Variants in PCNT observed in about 807,000 individuals in gnomAD.
The protein encoded by PCNT is kendrin.
In PCNT, 319 loss-of-function variants were observed where a neutral mutation model predicts 380.4. The ratio of observed to expected loss-of-function variants is 0.84; its 90% confidence interval spans 0.77 to 0.92. PCNT has a LOEUF of 0.92. Among genes scored for constraint, PCNT ranks in the 40% least tolerant of loss-of-function variants. The pLI is 0.00. For missense variants in PCNT, 4,400 were observed against 4,255.3 expected, an observed-to-expected ratio of 1.03 and a Z score of -0.95; for synonymous variants, 1,845 against 1,735.2, an observed-to-expected ratio of 1.06 and a Z score of -1.57.
chr21:46,435,837 C>T (rs374810767), intron 38 of PCNT, 67 bp from the exon 39 acceptor site: 42 of 1,602,784 alleles, frequency 2.6e-5, no homozygotes, highest in African/African-American at 1.1e-4. Flanking sequence ...CCACCGCGCC[C>T]GGCCGGCAGT....
rs947619531 is a variant in PCNT, at chr21:46,445,420, C to T, written c.*93C>T. The T allele has an allele frequency of 2.1e-6, 2 of 953,114 alleles. No homozygotes were observed. The highest frequency in any genetic ancestry group is 3.5e-6 in the Non-Finnish European group (2 of 576,104). The allele number at this position is 953,114 out of a possible 1,614,324, so 59.0% of individuals were successfully genotyped here. On this transcript the variant is annotated 3_prime_UTR_variant, in exon 47 of 47. Transcript: ENST00000359568. Reference sequence around the variant, plus strand: ...AAGGAAGCTCGTGGGACAGCATGGGCACTACTCTTCATGTGCGGTGACACC... The same window carrying T: ...AAGGAAGCTCGTGGGACAGCATGGGTACTACTCTTCATGTGCGGTGACACC...
At chr21:46,421,587 C>T (rs1011971230) in intron 31 of PCNT, among the ~76,000 whole-genome samples, 2 of 152,242 alleles carry the variant, frequency 1.3e-5, no homozygotes, top group African/African-American at 2.4e-5. Context: ...GCCTTATCTC[C>T]GTGGCTGGCG....
At chr21:46,391,054 T>C (rs2086013598) in intron 20 of PCNT, 110 bp from the exon 21 acceptor site, 5 of 1,220,810 alleles carry the variant, frequency 4.1e-6, no homozygotes, top group African/African-American at 1.5e-5. Flanking sequence ...AGCTGCTGGC[T>C]CTTAGCTCTG....
At chr21:46,359,218 G>A (rs879900070) in intron 13 of PCNT, among the ~76,000 whole-genome samples, 1 of 139,806 alleles carries the variant, frequency 7.2e-6, no homozygotes, top group African/African-American at 2.6e-5. Flanking sequence ...CTCCCAAAGT[G>A]TTGGGACTAC....
chr21:46,372,323 CACA>C (rs964242125), intron 15 of PCNT, among the ~76,000 whole-genome samples: 25 of 152,038 alleles, frequency 1.6e-4, no homozygotes, highest in Non-Finnish European at 5.9e-5. Context: ...AGCACGCACA[CACA>C]ACACGTGCAC....
chr21:46,334,454 G>A lies in PCNT; in HGVS notation c.325G>A (p.Val109Ile). Reference protein sequence around the residue: ...EDLEQLQQKQVNDHPPEQCGM... With the variant: ...EDLEQLQQKQINDHPPEQCGM... ...CTTGGAACAGCTGCAGCAGAAGCAA[G>A]TCAATGACCATCCTCCAGAGCAGTG... The change falls in exon 3 of 47, where the codon GTC (valine) becomes ATC (isoleucine). Residue 109 changes from valine (V) to isoleucine (I), a missense_variant. By Grantham distance (29) the Val-to-Ile change is conservative. Coordinates refer to ENST00000359568, the MANE Select transcript of PCNT (RefSeq NM_006031.6). 1 of 1,614,246 alleles carries A rather than the reference G, an allele frequency of 6.2e-7. No homozygotes were observed.
At chr21:46,349,969 ACT>A in intron 8 of PCNT, 149 bp downstream of exon 8, 1 of 834,322 alleles carries the variant, frequency 1.2e-6, no homozygotes, top group Non-Finnish European at 2.0e-6. Flanking sequence ...CACGCCTGTA[ACT>A]CTATCACTTT....
intron 20 of PCNT, 129 bp from the exon 21 acceptor site, chr21:46,391,035 G>T: frequency 9.0e-7 from 1 of 1,112,506 alleles, no homozygotes; most frequent in Non-Finnish European, 1.3e-6. Flanking sequence ...CCTACACCTG[G>T]GTCCTGGAAG....
chr21:46,355,774 A>T (rs987604914), intron 12 of PCNT, 148 bp downstream of exon 12: 5 of 820,534 alleles, frequency 6.1e-6, no homozygotes, highest in Admixed American at 4.1e-5. Flanking sequence ...ACCTCAACAG[A>T]GTGTGTCCTG....
intron 22 of PCNT, 57 bp from the exon 23 acceptor site, chr21:46,397,957 T>C: frequency 5.7e-6 from 8 of 1,401,670 alleles, no homozygotes; most frequent in Non-Finnish European, 7.8e-6. Context: ...GGACCTTCGC[T>C]GCAAGGGGCA....
At chr21:46,371,183 C>T (rs1797450636) in intron 15 of PCNT, among the ~76,000 whole-genome samples, 1 of 150,796 alleles carries the variant, frequency 6.6e-6, no homozygotes, top group Non-Finnish European at 1.5e-5. Flanking sequence ...AGAAAGAAAT[C>T]TGCACACAGT....
At chr21:46,418,072 C>G (rs1284664448) in intron 30 of PCNT, 132 bp from the exon 31 acceptor site, 3 of 667,364 alleles carry the variant, frequency 4.5e-6, no homozygotes, top group Admixed American at 4.8e-5. Context: ...GTGTGTTCAC[C>G]AGTTTTGAGT....
chr21:46,442,450 C>T (rs745454142), intron 43 of PCNT, 47 bp from the exon 44 acceptor site: 2 of 1,208,672 alleles, frequency 1.7e-6, no homozygotes, highest in Non-Finnish European at 2.5e-6. Flanking sequence ...TCTTTCCCTT[C>T]CTGTCTTGCC....
intron 21 of PCNT, among the ~76,000 whole-genome samples, chr21:46,393,620 G>T (rs73907480): frequency 1.3e-5 from 2 of 152,148 alleles, no homozygotes; most frequent in African/African-American, 4.8e-5. Flanking sequence ...TCAGGCCTCC[G>T]GGCAGATAAA....
At chr21:46,383,634 G>T (rs1373684831) in intron 16 of PCNT, among the ~76,000 whole-genome samples, 1 of 142,324 alleles carries the variant, frequency 7.0e-6, no homozygotes, top group Non-Finnish European at 1.5e-5. Context: ...TGGCAGAAGC[G>T]CATTCACGGT....
chr21:46,438,981 T>C (rs192103380), intron 41 of PCNT, among the ~76,000 whole-genome samples: 2 of 152,308 alleles, frequency 1.3e-5, no homozygotes, highest in Admixed American at 6.5e-5. Flanking sequence ...AAGTGACTTA[T>C]AATTTTCATA....
At chr21:46,404,497 T>C (rs148329348) in intron 27 of PCNT, among the ~76,000 whole-genome samples, 10 of 138,238 alleles carry the variant, frequency 7.2e-5, no homozygotes, top group African/African-American at 1.3e-4. Context: ...CGCCACTCCC[T>C]GGTGCTGGGG....
rs1223111663 is a variant in PCNT at position 46,436,145 on chromosome 21, A to T, written c.8993A>T (p.Asp2998Val). 1 of 1,606,730 alleles carries T rather than the reference A, an allele frequency of 6.2e-7. No individual in the cohort carries two copies. The highest frequency in any genetic ancestry group is 1.1e-5 in the South Asian group (1 of 91,058). The change falls in exon 39 of 47, where the codon GAC becomes GTC. Residue 2998 changes from aspartate (D) to valine (V), a missense_variant. Coordinates refer to ENST00000359568, the MANE Select transcript of PCNT (RefSeq NM_006031.6). The part of the protein sequence containing the change: ...LLTSFTSQAV[D>V]RTVNDWTSSN... ...ACCAGCTTCACCAGCCAGGCCGTGG[A>T]CAGGTGTGCACCCACGCCACCTGGC...
At chr21:46,336,724 C>G in intron 3 of PCNT, among the ~76,000 whole-genome samples, 1 of 152,144 alleles carries the variant, frequency 6.6e-6, no homozygotes. Context: ...TCTGGGCTCT[C>G]TCCGTGGACA....
Sources: allele counts gnomAD v4.1 joint callset (sites outside exome capture counted in the v4.1 genomes callset), GRCh38; gene constraint gnomAD v4.1.1; transcripts MANE v1.5; gene names NCBI Gene and HGNC (gene_info 2026-07-23, HGNC 2026-07-21).